PRKN: variants seen among roughly 807,000 people sequenced by gnomAD.
PRKN encodes the protein parkin RBR E3 ubiquitin protein ligase.
Under a neutral mutation model 59.5 loss-of-function variants are expected in PRKN, and 56 were observed. That is an observed-to-expected ratio of 0.94 (90% CI 0.76 to 1.18). The LOEUF is 1.18. Among genes scored for constraint, PRKN ranks in the 50% most tolerant of loss-of-function variants. The pLI, the probability that PRKN is intolerant of heterozygous loss-of-function variation, is 0.00. For synonymous variants in PRKN, 250 were observed against 222.1 expected, an observed-to-expected ratio of 1.13 and a Z score of -1.12; for missense variants, 657 against 596.4, an observed-to-expected ratio of 1.10 and a Z score of -1.06.
intron 3 of PRKN, among the ~76,000 whole-genome samples, chr6:162,250,053 G>A (rs536911710): frequency 1.3e-5 from 2 of 152,158 alleles, no homozygotes; most frequent in South Asian, 4.2e-4. Flanking sequence ...GGCTGAGGCA[G>A]GAGAATCGCT....
intron 2 of PRKN, among the ~76,000 whole-genome samples, chr6:162,376,752 G>T (rs1198072279): frequency 7.8e-6 from 1 of 127,474 alleles, no homozygotes; most frequent in South Asian, 3.2e-4. Context: ...AGAGGGAGAC[G>T]GAGAGTGAGA....
chr6:161,534,176 C>T lies in PRKN; in HGVS notation c.1083+14678G>A, dbSNP rs555190084. 1.2e-3 allele frequency among the ~76,000 whole-genome samples: 189 copies of T among 152,238 alleles called. 3 individuals are homozygous for T. The highest frequency in any genetic ancestry group is 8.7e-3 in the South Asian group (42 of 4,822). On this transcript the variant is annotated intron_variant, in intron 9 of 11. Coordinates refer to ENST00000366898, the MANE Select transcript of PRKN (RefSeq NM_004562.3). ...GCACCATGAGCCCACGACTCCTCTCCGTCGGCTAATCATTCCTCCCTGGCC... is the reference window on the plus strand; with the variant it reads ...GCACCATGAGCCCACGACTCCTCTCTGTCGGCTAATCATTCCTCCCTGGCC...
chr6:162,154,186 G>A (rs1268949425), intron 4 of PRKN, among the ~76,000 whole-genome samples: 1 of 152,160 alleles, frequency 6.6e-6, no homozygotes, highest in Non-Finnish European at 1.5e-5. Context: ...GTCAAAGCCA[G>A]TGCTGCTGAA....
At chr6:162,556,816 G>A (rs1195629843) in intron 1 of PRKN, among the ~76,000 whole-genome samples, 1 of 151,424 alleles carries the variant, frequency 6.6e-6, no homozygotes, top group Non-Finnish European at 1.5e-5. Flanking sequence ...TTATTATCAG[G>A]AATTGCATCT....
chr6:161,734,445 C>A (rs73783372), intron 7 of PRKN, among the ~76,000 whole-genome samples: 4,157 of 152,200 alleles, frequency 0.027, 183 homozygotes, highest in African/African-American at 0.093. Flanking sequence ...TGTGGAGCCA[C>A]CTGTACAGGA....
At chr6:162,469,353 G>T (rs919634370) in intron 1 of PRKN, among the ~76,000 whole-genome samples, 3 of 91,150 alleles carry the variant, frequency 3.3e-5, no homozygotes, top group Non-Finnish European at 7.5e-5. Flanking sequence ...GGGTTGCAGG[G>T]GGGGGTGGGT....
intron 1 of PRKN, among the ~76,000 whole-genome samples, chr6:162,573,977 GA>G (rs1369736669): frequency 6.6e-6 from 1 of 152,182 alleles, no homozygotes; most frequent in Non-Finnish European, 1.5e-5. Flanking sequence ...GGTGGGGAAG[GA>G]AAGAGTTTAA....
chr6:161,598,238 A>G (rs1347312054), intron 7 of PRKN, among the ~76,000 whole-genome samples: 1 of 152,190 alleles, frequency 6.6e-6, no homozygotes, highest in Non-Finnish European at 1.5e-5. Context: ...TGTGACATTT[A>G]AATACAAACT....
intron 9 of PRKN, among the ~76,000 whole-genome samples, chr6:161,485,755 C>A (rs895997259): frequency 6.6e-6 from 1 of 151,802 alleles, no homozygotes; most frequent in East Asian, 1.9e-4. Flanking sequence ...TTAGACTGAA[C>A]TGGGATAATC....
chr6:162,025,590 T>TTTTTTTG (rs1783402981), intron 5 of PRKN, among the ~76,000 whole-genome samples: 1 of 125,992 alleles, frequency 7.9e-6, no homozygotes, highest in African/African-American at 3.1e-5. Context: ...GTGCTTTTTT[T>TTTTTTTG]TTTTTTTTTT....
intron 6 of PRKN, among the ~76,000 whole-genome samples, chr6:161,794,513 T>C (rs992602732): frequency 3.3e-5 from 5 of 152,178 alleles, no homozygotes; most frequent in African/African-American, 1.2e-4. Context: ...GAGGCTTCCA[T>C]CCTGACAGTT....
At chr6:161,495,496 T>C (rs1414274185) in intron 9 of PRKN, among the ~76,000 whole-genome samples, 1 of 152,236 alleles carries the variant, frequency 6.6e-6, no homozygotes, top group Non-Finnish European at 1.5e-5. Context: ...ATCTGGCACC[T>C]GAGATGTAAA....
chr6:162,298,714 G>C (rs1422123726), intron 2 of PRKN, among the ~76,000 whole-genome samples: 1 of 146,770 alleles, frequency 6.8e-6, no homozygotes, highest in Admixed American at 7.3e-5. Context: ...AGCAATCTTG[G>C]GGAGAGGGAG....
chr6:161,458,697 A>G lies in PRKN; in HGVS notation c.1084-71820T>C, dbSNP rs1790079107. On this transcript the variant is annotated intron_variant, in intron 9 of 11. Coordinates refer to ENST00000366898, the MANE Select transcript of PRKN (RefSeq NM_004562.3). The surrounding 1 kb of genome is among the most constrained non-coding windows in gnomAD (Gnocchi z 6.1). ...TTTCTTCTACAGAGCAATGGGCACT[A>G]AATTTATTAGCTTCGTGCTCACCAT... is the stretch of plus-strand genomic sequence containing the variant. Among the ~76,000 whole-genome samples the G allele has an allele frequency of 6.6e-6, 1 of 152,240 alleles. No homozygotes were observed. Among genetic ancestry groups the G allele is most frequent in the African/African-American group, 2.4e-5 (1 of 41,474 alleles).
At position 161,371,289 on chromosome 6, in the gene PRKN, C is replaced by CAA. The variant is rs2114896282; in HGVS notation, c.1168-11086_1168-11085dup. Among the ~76,000 whole-genome samples the CAA allele has an allele frequency of 6.6e-6, 1 of 151,414 alleles. No homozygotes were observed. Among genetic ancestry groups the CAA allele is most frequent in the African/African-American group, 2.4e-5 (1 of 41,270 alleles). Reference sequence around the variant, plus strand: ...AAATGATTCTGCTGCCTCGGCCTCTCAAGTAGCTGGGGTTACAGGTGCCTG... The same window carrying CAA: ...AAATGATTCTGCTGCCTCGGCCTCTCAAAAGTAGCTGGGGTTACAGGTGCCTG... On this transcript the variant is annotated intron_variant, in intron 10 of 11. Transcript: ENST00000366898. This position sits in a 1 kb window ranked among gnomAD's most constrained non-coding sequence, Gnocchi z 5.5.
chr6:162,440,775 G>A (rs1790013151), intron 2 of PRKN, among the ~76,000 whole-genome samples: 1 of 151,916 alleles, frequency 6.6e-6, no homozygotes, highest in African/African-American at 2.4e-5. Context: ...TTTCTCAGCA[G>A]CAACTTATTA....
At chr6:161,922,739 G>A (rs1778831097) in intron 6 of PRKN, among the ~76,000 whole-genome samples, 1 of 152,116 alleles carries the variant, frequency 6.6e-6, no homozygotes, top group Non-Finnish European at 1.5e-5. Context: ...GGAAATACAG[G>A]CAATGATTAC....
At chr6:161,765,285 C>G (rs1436890398) in intron 7 of PRKN, among the ~76,000 whole-genome samples, 1 of 152,088 alleles carries the variant, frequency 6.6e-6, no homozygotes, top group Non-Finnish European at 1.5e-5. Flanking sequence ...TCTCTGAACC[C>G]GGGTTTTCTA....
chr6:161,858,285 C>T (rs1007416896), intron 6 of PRKN, among the ~76,000 whole-genome samples: 6 of 152,100 alleles, frequency 3.9e-5, no homozygotes, highest in South Asian at 2.1e-4. Context: ...AAAACTGTTA[C>T]GGGAATTTCT....
Sources: gnomAD v4.1 joint callset for allele counts (sites outside exome capture counted in the v4.1 genomes callset) on GRCh38, gnomAD v4.1.1 for gene constraint, Gnocchi (gnomAD v3.1) non-coding constraint, MANE v1.5 for transcripts, NCBI Gene and HGNC (gene_info 2026-07-23, HGNC 2026-07-21) for gene names.